The following VAV3 variants were observed in gnomAD, a reference collection of about 807,000 sequenced individuals.
VAV3 encodes the protein vav guanine nucleotide exchange factor 3, also known as guanine nucleotide exchange factor VAV3.
Under a neutral mutation model 131.2 loss-of-function variants are expected in VAV3, and 94 were observed. The ratio of observed to expected loss-of-function variants is 0.72; its 90% CI spans 0.61 to 0.85. The LOEUF is 0.85. Among genes scored for constraint, VAV3 ranks in the 40% least tolerant of loss-of-function variants. VAV3 has a pLI of 0.00. For synonymous variants in VAV3, 349 were observed against 342.0 expected (o/e 1.02, Z -0.22); for missense variants, 939 against 1,002.7 (o/e 0.94, Z 0.86).
intron 21 of VAV3, among the ~76,000 whole-genome samples, chr1:107,612,215 T>G (rs1652805377): frequency 6.6e-6 from 1 of 151,184 alleles, no homozygotes; most frequent in South Asian, 2.1e-4. Context: ...TATATATGTG[T>G]CTATTTATGT....
chr1:107,722,005 G>A (rs967030145), intron 15 of VAV3, among the ~76,000 whole-genome samples: 3 of 152,214 alleles, frequency 2.0e-5, no homozygotes, highest in Non-Finnish European at 4.4e-5. Flanking sequence ...GAGCTAACTA[G>A]TATTACAGTC....
chr1:107,776,626 A>G (rs1004589436), intron 4 of VAV3, among the ~76,000 whole-genome samples: 1 of 152,210 alleles, frequency 6.6e-6, no homozygotes, highest in Non-Finnish European at 1.5e-5. Flanking sequence ...TTGGGGCATA[A>G]TCTATTTCTT....
chr1:107,627,946 T>A (rs1346533581), intron 20 of VAV3, among the ~76,000 whole-genome samples: 2 of 152,188 alleles, frequency 1.3e-5, no homozygotes, highest in Admixed American at 6.5e-5. Context: ...GGAACTGAGA[T>A]AAAGTAATGA....
intron 2 of VAV3, among the ~76,000 whole-genome samples, chr1:107,848,395 T>C (rs1037517485): frequency 1.3e-5 from 2 of 151,162 alleles, no homozygotes; most frequent in African/African-American, 4.9e-5. Context: ...GTCAGTTTCA[T>C]CCCTGGGATG....
intron 20 of VAV3, among the ~76,000 whole-genome samples, chr1:107,620,741 A>G (rs1466191460): frequency 6.6e-6 from 1 of 152,176 alleles, no homozygotes; most frequent in Non-Finnish European, 1.5e-5. Flanking sequence ...AATGTCACAA[A>G]GCAGAGAAAA....
At chr1:107,788,376 C>T (rs1666127745) in intron 2 of VAV3, among the ~76,000 whole-genome samples, 2 of 152,112 alleles carry the variant, frequency 1.3e-5, no homozygotes, top group Non-Finnish European at 2.9e-5. Context: ...CCACACACTC[C>T]CATGTTCAGC....
intron 21 of VAV3, among the ~76,000 whole-genome samples, chr1:107,611,254 A>G (rs2101158852): frequency 6.6e-6 from 1 of 152,300 alleles, no homozygotes; most frequent in Non-Finnish European, 1.5e-5. Flanking sequence ...GAATACTCAA[A>G]CTGTATCAAA....
At chr1:107,935,508 C>A (rs927059114) in intron 1 of VAV3, among the ~76,000 whole-genome samples, 1 of 152,156 alleles carries the variant, frequency 6.6e-6, no homozygotes, top group African/African-American at 2.4e-5. Context: ...CCAGGTCTGA[C>A]AAATACACAA....
chr1:107,626,504 C>T (rs1654023530), intron 20 of VAV3, among the ~76,000 whole-genome samples: 1 of 152,204 alleles, frequency 6.6e-6, no homozygotes, highest in South Asian at 2.1e-4. Context: ...TGAGCCTCTA[C>T]ACTTTCACAT....
intron 13 of VAV3, among the ~76,000 whole-genome samples, chr1:107,750,276 A>C (rs1663630183): frequency 6.6e-6 from 1 of 152,256 alleles, no homozygotes; most frequent in South Asian, 2.1e-4. Flanking sequence ...ATATGAGCCA[A>C]GTGTAAACTG....
chr1:107,724,384 G>A (rs1225819347), intron 15 of VAV3, among the ~76,000 whole-genome samples: 1 of 151,582 alleles, frequency 6.6e-6, no homozygotes, highest in Non-Finnish European at 1.5e-5. Flanking sequence ...CAATCTGAAA[G>A]TTGTCTTATA....
intron 2 of VAV3, among the ~76,000 whole-genome samples, chr1:107,871,743 T>A (rs571589653): frequency 6.6e-6 from 1 of 152,116 alleles, no homozygotes; most frequent in Non-Finnish European, 1.5e-5. Context: ...AGAAAACACA[T>A]CCATATCAAG....
At chr1:107,703,564 T>A (rs1196079125) in intron 17 of VAV3, among the ~76,000 whole-genome samples, 2 of 152,198 alleles carry the variant, frequency 1.3e-5, no homozygotes, top group Non-Finnish European at 2.9e-5. Flanking sequence ...TTAAAATGTC[T>A]GAGAGGAATG....
Position 107,845,769 on chromosome 1 carries a change from AAAC to A in VAV3, c.321+29129_321+29131del, listed in dbSNP as rs552773352. ...TAGAGAAAAAAGAATGAAAAGGAAC[AAAC>A]AAAGACTCCAACAAATATGAAACTA... On this transcript the variant is annotated intron_variant, in intron 2 of 26. Coordinates refer to ENST00000370056, the MANE Select transcript of VAV3 (RefSeq NM_006113.5). Among the ~76,000 whole-genome samples the A allele has an allele frequency of 1.7e-3, 262 of 152,270 alleles. 1 individual carries two copies. Among genetic ancestry groups the A allele is most frequent in the African/African-American group, 5.0e-3 (206 of 41,556 alleles).
At chr1:107,665,058 C>T (rs749061142) in intron 19 of VAV3, among the ~76,000 whole-genome samples, 32 of 152,104 alleles carry the variant, frequency 2.1e-4, no homozygotes, top group Non-Finnish European at 3.1e-4. Flanking sequence ...TCTGAGTATG[C>T]GCTGAAGAGT....
chr1:107,663,646 A>T (rs1657200189), intron 19 of VAV3, among the ~76,000 whole-genome samples: 1 of 152,220 alleles, frequency 6.6e-6, no homozygotes, highest in Non-Finnish European at 1.5e-5. Flanking sequence ...TTGCAAAATG[A>T]AGCATTTGGT....
intron 15 of VAV3, among the ~76,000 whole-genome samples, chr1:107,723,132 T>A (rs1195884546): frequency 6.6e-6 from 1 of 152,188 alleles, no homozygotes; most frequent in African/African-American, 2.4e-5. Flanking sequence ...GTATTTTGTA[T>A]CCTCATAAAT....
intron 1 of VAV3, among the ~76,000 whole-genome samples, chr1:107,922,674 C>A (rs189016646): frequency 6.6e-6 from 1 of 151,896 alleles, no homozygotes; most frequent in African/African-American, 2.4e-5. Context: ...ACAATTTGGC[C>A]GGGCGCGGTG....
At chr1:107,691,996 T>C (rs1442789795) in intron 17 of VAV3, among the ~76,000 whole-genome samples, 1 of 151,860 alleles carries the variant, frequency 6.6e-6, no homozygotes, top group Admixed American at 6.6e-5. Context: ...TCATACATTA[T>C]TGCACAATTT....
Sources: allele counts gnomAD v4.1 joint callset (sites outside exome capture counted in the v4.1 genomes callset), GRCh38; gene constraint gnomAD v4.1.1; transcripts MANE v1.5; gene names NCBI Gene and HGNC (gene_info 2026-07-23, HGNC 2026-07-21).